SLC9A9: variants seen among roughly 807,000 people sequenced by gnomAD.
The protein encoded by SLC9A9 is sodium/hydrogen exchanger 9.
SLC9A9 carries 62 observed loss-of-function variants against 77.8 expected under a neutral mutation model. The ratio of observed to expected loss-of-function variants is 0.80; its 90% CI spans 0.65 to 0.98. The LOEUF (loss-of-function observed/expected upper bound fraction) is 0.98. Among genes scored for constraint, SLC9A9 ranks in the 50% least tolerant of loss-of-function variants. SLC9A9 has a pLI of 0.00. For missense variants in SLC9A9, 775 were observed against 774.9 expected (o/e 1.00, Z 0.00); for synonymous variants, 320 against 283.5 (o/e 1.13, Z -1.29).
In SLC9A9 at chr3:143,677,394, T is replaced by C. The variant is rs1179467308; in HGVS notation, c.649+15798A>G. On this transcript the variant is annotated intron_variant, in intron 5 of 15. Transcript: ENST00000316549. The stretch of plus-strand genomic sequence containing the variant: ...GTTAACTGGAAGGGCACTAATTTAT[T>C]TTTTTAATAGACATACAATATTGTG... Among the ~76,000 whole-genome samples the C allele has an allele frequency of 2.0e-5, 3 of 152,202 alleles. No homozygotes were observed. In the East Asian group the frequency reaches 5.8e-4, roughly 29 times the overall value.
chr3:143,618,742 A>G (rs893272887), intron 6 of SLC9A9, among the ~76,000 whole-genome samples: 2 of 152,210 alleles, frequency 1.3e-5, no homozygotes, highest in Admixed American at 6.5e-5. Flanking sequence ...ATCTAACAGT[A>G]AGAAGTATCA....
intron 12 of SLC9A9, among the ~76,000 whole-genome samples, chr3:143,413,114 C>T (rs948267754): frequency 8.5e-5 from 13 of 152,056 alleles, no homozygotes; most frequent in East Asian, 3.9e-4. Flanking sequence ...CAGAGAGCAA[C>T]GGGGTGTGGA....
rs11452243 is a variant in SLC9A9 at position 143,825,414 on chromosome 3, GA to G, written c.378+6604del. The stretch of plus-strand genomic sequence containing the variant: ...ACCATTAGGAAAAGTTGGATGGTGA[GA>G]AAAAAAAAAGGACTTTGATTTATTT... On this transcript the variant is annotated intron_variant, in intron 2 of 15. Transcript: ENST00000316549. Among the ~76,000 whole-genome samples the G allele has an allele frequency of 7.5e-3, 1,114 of 149,080 alleles. 8 individuals carry two copies. The highest frequency in any genetic ancestry group is 0.014 in the Middle Eastern group (4 of 282).
chr3:143,364,972 G>A (rs568330777), intron 13 of SLC9A9, among the ~76,000 whole-genome samples: 1 of 152,184 alleles, frequency 6.6e-6, no homozygotes, highest in South Asian at 2.1e-4. Context: ...CTTAAATGGA[G>A]GACTTCTCAT....
At chr3:143,385,144 CT>C (rs556072282) in intron 12 of SLC9A9, among the ~76,000 whole-genome samples, 7,471 of 150,946 alleles carry the variant, frequency 0.049, 265 homozygotes, top group Non-Finnish European at 0.073. Context: ...TGACTACTGT[CT>C]TTTTTTTTCA....
intron 13 of SLC9A9, among the ~76,000 whole-genome samples, chr3:143,374,211 G>T (rs1261401342): frequency 1.3e-5 from 2 of 151,932 alleles, no homozygotes; most frequent in Admixed American, 6.5e-5. Flanking sequence ...GGATCACGAG[G>T]TCAGGAGATC....
At chr3:143,268,021 C>G (rs1237494679) in intron 15 of SLC9A9, among the ~76,000 whole-genome samples, 1 of 152,174 alleles carries the variant, frequency 6.6e-6, no homozygotes, top group African/African-American at 2.4e-5. Flanking sequence ...CTAGCAAGTT[C>G]CCAAGTGAGG....
chr3:143,687,639 C>A (rs190131781), intron 5 of SLC9A9, among the ~76,000 whole-genome samples: 229 of 152,018 alleles, frequency 1.5e-3, no homozygotes, highest in African/African-American at 5.1e-3. Context: ...AAATAAAAAC[C>A]AGTCTCACAG....
intron 14 of SLC9A9, among the ~76,000 whole-genome samples, chr3:143,276,804 C>A (rs1244957343): frequency 6.6e-6 from 1 of 151,942 alleles, no homozygotes. Context: ...AAAAAACTGC[C>A]TACATGCATG....
intron 2 of SLC9A9, among the ~76,000 whole-genome samples, chr3:143,806,061 C>T (rs1559806775): frequency 6.6e-6 from 1 of 151,580 alleles, no homozygotes; most frequent in Non-Finnish European, 1.5e-5. Flanking sequence ...ATCCTTTATT[C>T]TTTTCCCCCC....
chr3:143,670,111 T>C lies in SLC9A9; in HGVS notation c.650-17751A>G, dbSNP rs189871180. On this transcript the variant is annotated intron_variant, in intron 5 of 15. Transcript: ENST00000316549. ...AAATTACTCCCTTGAACTTCTGTAT[T>C]TGGAAAGAACAGTTCCTATTCTGTG... Among the ~76,000 whole-genome samples, 258 of 152,358 alleles carry C rather than the reference T, an allele frequency of 1.7e-3. 2 individuals are homozygous for C. Among genetic ancestry groups the C allele is most frequent in the Admixed American group, 6.0e-3 (92 of 15,306 alleles).
chr3:143,477,353 T>TC (rs1324576693), intron 11 of SLC9A9, among the ~76,000 whole-genome samples: 9 of 39,300 alleles, frequency 2.3e-4, no homozygotes, highest in East Asian at 3.1e-3. Context: ...TTTTTCCCCC[T>TC]CCCCCCGCCG....
intron 14 of SLC9A9, among the ~76,000 whole-genome samples, chr3:143,293,930 TA>T (rs1237623152): frequency 6.6e-6 from 1 of 152,146 alleles, no homozygotes; most frequent in Non-Finnish European, 1.5e-5. Context: ...GAACCAGCGT[TA>T]AAAAAATAAA....
chr3:143,498,000 T>A (rs1304269664), intron 9 of SLC9A9, among the ~76,000 whole-genome samples: 1 of 152,020 alleles, frequency 6.6e-6, no homozygotes, highest in African/African-American at 2.4e-5. Flanking sequence ...TGGGAATCTT[T>A]GCGCTACATT....
intron 12 of SLC9A9, among the ~76,000 whole-genome samples, chr3:143,453,785 GGA>G (rs75786013): frequency 0.28 from 42,348 of 151,946 alleles, 6,073 homozygotes; most frequent in East Asian, 0.49. Context: ...TAAATGCCTA[GGA>G]GAGAGAATGC....
intron 9 of SLC9A9, among the ~76,000 whole-genome samples, chr3:143,541,432 C>T (rs991131741): frequency 1.3e-5 from 2 of 152,212 alleles, no homozygotes; most frequent in Non-Finnish European, 2.9e-5. Flanking sequence ...CCTCACGAGA[C>T]CCTGAGCCAA....
chr3:143,776,180 T>C (rs1576718378), intron 4 of SLC9A9, among the ~76,000 whole-genome samples: 1 of 152,224 alleles, frequency 6.6e-6, no homozygotes, highest in Non-Finnish European at 1.5e-5. Flanking sequence ...TCTCCAAATA[T>C]GTGTTTATTT....
intron 14 of SLC9A9, among the ~76,000 whole-genome samples, chr3:143,361,085 A>G (rs2032741316): frequency 6.6e-6 from 1 of 152,218 alleles, no homozygotes; most frequent in South Asian, 2.1e-4. Flanking sequence ...CAAATTTTGG[A>G]CTTGCCAGCC....
chr3:143,437,133 A>C (rs1367015349), intron 12 of SLC9A9, among the ~76,000 whole-genome samples: 6 of 152,160 alleles, frequency 3.9e-5, no homozygotes, highest in Non-Finnish European at 8.8e-5. Flanking sequence ...TGAGTTCCCC[A>C]CTATTGTCCC....
Sources: gnomAD v4.1 joint callset for allele counts (sites outside exome capture counted in the v4.1 genomes callset) on GRCh38, gnomAD v4.1.1 for gene constraint, MANE v1.5 for transcripts, NCBI Gene and HGNC (gene_info 2026-07-23, HGNC 2026-07-21) for gene names.